The following SLTM variants were observed in gnomAD, a reference collection of about 807,000 sequenced individuals.
SLTM encodes the protein SAFB-like transcription modulator.
SLTM carries 43 observed loss-of-function variants against 134.6 expected under a neutral mutation model. The ratio of observed to expected loss-of-function variants is 0.32; its 90% CI spans 0.25 to 0.41. SLTM has a LOEUF of 0.41. SLTM is among the 10% of genes least tolerant of loss of function. The probability of loss-of-function intolerance (pLI) is 1.00; values close to 1 mark genes in which losing one functional copy is unlikely to be tolerated. For synonymous variants in SLTM, 424 were observed against 432.3 expected, an observed-to-expected ratio of 0.98 and a Z score of 0.24; for missense variants, 1,055 against 1,288.8, an observed-to-expected ratio of 0.82 and a Z score of 2.78.
Position 58,913,687 on chromosome 15 carries a change from A to G in SLTM, c.325T>C (p.Leu109=), listed in dbSNP as rs143401125. Residue 109 remains leucine (L), a synonymous_variant, in exon 4 of 21, where the codon TTG becomes CTG. Coordinates refer to ENST00000380516, the MANE Select transcript of SLTM (RefSeq NM_024755.4). ...TGCTCATGTGCCTCTTGATTCTCCAATTCACAGTCCTTTTAATGGTAAGAA... is the reference window on the plus strand; with the variant it reads ...TGCTCATGTGCCTCTTGATTCTCCAGTTCACAGTCCTTTTAATGGTAAGAA... ...EDDAFIKDCE[L]ENQEAHEQDG... 126 of 1,613,278 alleles carry G rather than the reference A, an allele frequency of 7.8e-5. No individual in the cohort carries two copies. The African/African-American group carries it at 1.3e-3, about 16-fold the overall frequency.
intron 15 of SLTM, 55 bp from the exon 16 acceptor site, chr15:58,889,609 A>C (rs1314860285): frequency 2.5e-6 from 4 of 1,603,086 alleles, no homozygotes; most frequent in Non-Finnish European, 3.4e-6. Context: ...ACATAAGATA[A>C]GTATACATGC....
chr15:58,895,368 A>C (rs1046448394), intron 9 of SLTM, among the ~76,000 whole-genome samples: 4 of 152,228 alleles, frequency 2.6e-5, no homozygotes, highest in Non-Finnish European at 5.9e-5. Flanking sequence ...CAACACTTTC[A>C]ATCTATGTGC....
In SLTM at chr15:58,879,939, A is replaced by C; in HGVS notation, c.*60T>G. 6.3e-7 allele frequency: 1 copy of C among 1,580,792 alleles called. No homozygotes were observed. The highest frequency in any genetic ancestry group is 2.3e-5 in the East Asian group (1 of 44,296). Reference sequence around the variant, plus strand: ...TCAGAGGTCCTCTTCATAAGTAGTCAAGTAAAGTTTACAGGAGATTTCAAT... The same window carrying C: ...TCAGAGGTCCTCTTCATAAGTAGTCCAGTAAAGTTTACAGGAGATTTCAAT... On this transcript the variant is annotated 3_prime_UTR_variant, in exon 21 of 21. Transcript: ENST00000380516.
Position 58,927,774 on chromosome 15 carries a change from A to G in SLTM, c.250+4582T>C, listed in dbSNP as rs553107196. Among the ~76,000 whole-genome samples the G allele has an allele frequency of 1.6e-3, 245 of 152,318 alleles. 1 individual carries two copies. Among genetic ancestry groups the G allele is most frequent in the Admixed American group, 2.9e-3 (44 of 15,298 alleles). On this transcript the variant is annotated intron_variant, in intron 2 of 20. Transcript: ENST00000380516. ...AAATATCTATAACAATTATACGCCCAAAGTCCTCCTCAATGCCACAGTTCT... is the reference window on the plus strand; with the variant it reads ...AAATATCTATAACAATTATACGCCCGAAGTCCTCCTCAATGCCACAGTTCT...
chr15:58,922,528 G>A (rs1456650022), intron 2 of SLTM, among the ~76,000 whole-genome samples: 5 of 120,650 alleles, frequency 4.1e-5, no homozygotes, highest in South Asian at 2.6e-4. Flanking sequence ...AAATTTATAC[G>A]TATATAATAT....
Position 58,933,603 on chromosome 15 carries a change from C to A in SLTM, c.-38G>T. The A allele has an allele frequency of 1.3e-6, 2 of 1,524,924 alleles. No individual in the cohort carries two copies. The highest frequency in any genetic ancestry group is 1.8e-6 in the Non-Finnish European group (2 of 1,137,142). The allele number at this position is 1,524,924 out of a possible 1,614,324, so 94.5% of individuals were successfully genotyped here. A position where few individuals can be genotyped will look rare whatever the true frequency, so the allele number is the denominator to read the frequency against. On this transcript the variant is annotated 5_prime_UTR_variant, in exon 1 of 21. Coordinates refer to ENST00000380516, the MANE Select transcript of SLTM (RefSeq NM_024755.4). ...GCGCGCTGCCGAGGCAGCGAGTGGGCTGCAGGGCGGCGGCAGCAGCGCCAA... is the reference window on the plus strand; with the variant it reads ...GCGCGCTGCCGAGGCAGCGAGTGGGATGCAGGGCGGCGGCAGCAGCGCCAA...
At position 58,892,934 on chromosome 15, in the gene SLTM, G is replaced by T; in HGVS notation, c.1861C>A (p.Arg621Ser). Residue 621 changes from arginine (R) to serine (S), a missense_variant, in exon 14 of 21, where the codon CGT (arginine) becomes AGT (serine). Around this residue, in one of 3 missense-constraint regions of SLTM, gnomAD observed 776 missense variants for 962.2 expected, o/e 0.81. Coordinates refer to ENST00000380516, the MANE Select transcript of SLTM (RefSeq NM_024755.4). ...KEQRLREHLV[R>S]FERLRRAMEL... ...ATTGCTCGTCGCAGCCTTTCAAAACGAACTAAATGTTCTCTCAACCTTTGT... is the reference window on the plus strand; with the variant it reads ...ATTGCTCGTCGCAGCCTTTCAAAACTAACTAAATGTTCTCTCAACCTTTGT... 1 of 1,613,526 alleles carries T rather than the reference G, an allele frequency of 6.2e-7. No homozygotes were observed. Among genetic ancestry groups the T allele is most frequent in the Non-Finnish European group, 8.5e-7 (1 of 1,179,830 alleles).
chr15:58,882,028 G>C (rs1483542118), intron 20 of SLTM, among the ~76,000 whole-genome samples: 1 of 151,702 alleles, frequency 6.6e-6, no homozygotes, highest in African/African-American at 2.4e-5. Flanking sequence ...GGCCAACATG[G>C]TGAAACCCCA....
intron 5 of SLTM, among the ~76,000 whole-genome samples, chr15:58,906,249 T>C (rs1458503046): frequency 6.6e-6 from 1 of 152,174 alleles, no homozygotes; most frequent in Non-Finnish European, 1.5e-5. Flanking sequence ...ATGAGGAATA[T>C]AGCAAGTAAA....
At chr15:58,910,361 A>G (rs2036174255) in intron 5 of SLTM, among the ~76,000 whole-genome samples, 1 of 152,214 alleles carries the variant, frequency 6.6e-6, no homozygotes, top group African/African-American at 2.4e-5. Flanking sequence ...AGATACATTT[A>G]TGTTTCTAGA....
intron 5 of SLTM, among the ~76,000 whole-genome samples, chr15:58,904,795 C>T (rs2035755895): frequency 6.6e-6 from 1 of 152,070 alleles, no homozygotes; most frequent in African/African-American, 2.4e-5. Flanking sequence ...ACTGAACCCT[C>T]CGACTCCCTG....
rs765903126 is a variant in SLTM at position 58,888,339 on chromosome 15, C to G, written c.2375+46G>C. 4.7e-6 allele frequency: 7 copies of G among 1,498,686 alleles called. No individual in the cohort carries two copies. In the African/African-American group the frequency reaches 9.8e-5, roughly 21 times the overall value. 92.8% of individuals were successfully genotyped at this position (1,498,686 alleles called of 1,614,324 possible). A position where few individuals can be genotyped will look rare whatever the true frequency, so the allele number is the denominator to read the frequency against. On this transcript the variant is annotated intron_variant, in intron 17 of 20. Transcript: ENST00000380516. Reference sequence around the variant, plus strand: ...GATTTTAGGAGAAACAGAGTTATCACTAGCAAGGCTCATAAAATAAATATA... The same window carrying G: ...GATTTTAGGAGAAACAGAGTTATCAGTAGCAAGGCTCATAAAATAAATATA...
chr15:58,898,993 G>A, intron 7 of SLTM, 141 bp from the exon 8 acceptor site: 1 of 583,178 alleles, frequency 1.7e-6, no homozygotes, highest in African/African-American at 1.9e-5. Context: ...TAGGTTATTT[G>A]AACAAATGAC....
In SLTM at chr15:58,882,322, A is replaced by C. The variant is rs1052466519; in HGVS notation, c.2996+1304T>G. ...AACTGGAGGCAACAAAAGGGACACA[A>C]AGGTTTGAAAAAGGAGAGGAATGAG... On this transcript the variant is annotated intron_variant, in intron 20 of 20. Coordinates refer to ENST00000380516, the MANE Select transcript of SLTM (RefSeq NM_024755.4). 2.6e-5 allele frequency among the ~76,000 whole-genome samples: 4 copies of C among 152,276 alleles called. No individual in the cohort carries two copies. In the South Asian group the frequency reaches 6.2e-4, roughly 24 times the overall value.
chr15:58,912,652 C>G, intron 4 of SLTM, 42 bp from the exon 5 acceptor site: 1 of 1,518,118 alleles, frequency 6.6e-7, no homozygotes, highest in South Asian at 1.2e-5. Flanking sequence ...TATAAAATAT[C>G]GGGGTAACGT....
Position 58,917,062 on chromosome 15 carries a change from CAG to C in SLTM, c.251-65_251-64del, listed in dbSNP as rs1164957659. The stretch of plus-strand genomic sequence containing the variant: ...TATTACTTTAAGAACAAAAAATATT[CAG>C]AGTTTACCCTGCAATAGCACTCTCC... On this transcript the variant is annotated intron_variant, in intron 2 of 20. Coordinates refer to ENST00000380516, the MANE Select transcript of SLTM (RefSeq NM_024755.4). 2.1e-5 allele frequency: 32 copies of C among 1,490,668 alleles called. No individual in the cohort carries two copies. The Middle Eastern group carries it at 5.1e-4, about 24-fold the overall frequency. The allele number at this position is 1,490,668 out of a possible 1,614,324, so 92.3% of individuals were successfully genotyped here. A position where few individuals can be genotyped will look rare whatever the true frequency, so the allele number is the denominator to read the frequency against.
At position 58,893,679 on chromosome 15, in the gene SLTM, C is replaced by T. The variant is rs1242726654; in HGVS notation, c.1648+142G>A. 3 of 831,450 alleles carry T rather than the reference C, an allele frequency of 3.6e-6. No individual in the cohort carries two copies. The Admixed American group carries it at 9.0e-5, about 25-fold the overall frequency. 51.5% of individuals were successfully genotyped at this position (831,450 alleles called of 1,614,324 possible). ...CCCAGAGTAGAAAAGAAGACAATTA[C>T]TCCTACTAGACCTCCTTTCCTACCA... On this transcript the variant is annotated intron_variant, in intron 12 of 20. Transcript: ENST00000380516.
Position 58,879,244 on chromosome 15 carries a change from A to G in SLTM, c.*755T>C, listed in dbSNP as rs555621713. The G allele has an allele frequency of 6.6e-6, 1 of 152,324 alleles. No individual in the cohort carries two copies. The highest frequency in any genetic ancestry group is 2.1e-4 in the South Asian group (1 of 4,826). 9.4% of individuals were successfully genotyped at this position (152,324 alleles called of 1,614,324 possible). A position where few individuals can be genotyped will look rare whatever the true frequency, so the allele number is the denominator to read the frequency against. ...TTTATCCATCAAACAAACAGTGCAG[A>G]TTACCTAAAAGTGCACTTACCTGCA... On this transcript the variant is annotated 3_prime_UTR_variant, in exon 21 of 21. Transcript: ENST00000380516.
rs770995756 is a variant in SLTM at position 58,887,408 on chromosome 15, A to G, written c.2508T>C (p.Asn836=). Residue 836 remains asparagine (N), a synonymous_variant, in exon 18 of 21, where the codon AAT becomes AAC. Transcript: ENST00000380516. The part of the protein sequence containing the change: ...SRRNEPPPPR[N]ELRESDRREV... ...CTCGCCTGTCTGATTCTCTAAGTTC[A>G]TTTCTTGGTGGTGGAGGCTCATTTC... 2.5e-6 allele frequency: 4 copies of G among 1,611,850 alleles called. No homozygotes were observed. The Admixed American group carries it at 6.7e-5, about 27-fold the overall frequency.
Sources: gnomAD v4.1 joint callset for allele counts (sites outside exome capture counted in the v4.1 genomes callset) on GRCh38, gnomAD v4.1.1 for gene constraint, gnomAD v4.1.1 regional missense constraint, MANE v1.5 for transcripts, NCBI Gene and HGNC (gene_info 2026-07-23, HGNC 2026-07-21) for gene names.